NPIPB11: variants seen among roughly 807,000 people sequenced by gnomAD.
NPIPB11 encodes the protein nuclear pore complex-interacting protein family member B11.
A neutral mutation model predicts 32.8 loss-of-function variants in NPIPB11; 17 were observed. The observed-to-expected ratio is 0.52, with a 90% confidence interval of 0.35 to 0.78. The LOEUF (loss-of-function observed/expected upper bound fraction) is 0.78. NPIPB11 is among the 30% of genes least tolerant of loss of function. The pLI, the probability that NPIPB11 is intolerant of heterozygous loss-of-function variation, is 0.01. For missense variants in NPIPB11, 537 were observed against 1,000.4 expected, an observed-to-expected ratio of 0.54 and a Z score of 6.25; for synonymous variants, 209 against 398.4, an observed-to-expected ratio of 0.52 and a Z score of 5.66.
At chr16:29,402,750 G>T (rs1964027144) in intron 2 of NPIPB11, among the ~76,000 whole-genome samples, 1 of 146,264 alleles carries the variant, frequency 6.8e-6, no homozygotes, top group Non-Finnish European at 1.5e-5. Context: ...GTGTGTGTGT[G>T]TGTGTGTGTG....
intron 2 of NPIPB11, among the ~76,000 whole-genome samples, chr16:29,396,202 G>C (rs1185738095): frequency 1.3e-5 from 2 of 151,408 alleles, no homozygotes; most frequent in Non-Finnish European, 3.0e-5. Flanking sequence ...TTTCTTTCAA[G>C]ATGGTGAATT....
intron 3 of NPIPB11, 126 bp downstream of exon 3, chr16:29,393,822 T>C: frequency 8.1e-7 from 1 of 1,234,988 alleles, no homozygotes; most frequent in East Asian, 2.6e-5. Context: ...TGCTAATAAA[T>C]CATTTCCCTG....
At chr16:29,405,782 G>T (rs1314980654), upstream of NPIPB11, among the ~76,000 whole-genome samples, 5 of 152,076 alleles carry the variant, frequency 3.3e-5, no homozygotes, top group Admixed American at 2.6e-4. Context: ...TATAATACTG[G>T]CTTTCTGGTG....
At chr16:29,402,484 T>C (rs78793776) in intron 2 of NPIPB11, among the ~76,000 whole-genome samples, 43,075 of 82,684 alleles carry the variant, frequency 0.52, 10,723 homozygotes, top group Middle Eastern at 0.61. Context: ...GTGGGCAGAT[T>C]ACGAGGTCAG....
chr16:29,399,854 G>A (rs1325687338), intron 2 of NPIPB11, among the ~76,000 whole-genome samples: 12 of 152,030 alleles, frequency 7.9e-5, no homozygotes, highest in Admixed American at 1.3e-4. Flanking sequence ...TGAGGCAGGC[G>A]CATCACGAGG....
exon 5 of NPIPB11, chr16:29,389,974 T>C (rs1247988814): frequency 1.3e-6 from 2 of 1,584,500 alleles, no homozygotes; most frequent in African/African-American, 2.7e-5. Context: ...TCCATTGATT[T>C]TGTCATGACG....
At chr16:29,398,868 T>A (rs1350036058) in intron 2 of NPIPB11, among the ~76,000 whole-genome samples, 3 of 152,072 alleles carry the variant, frequency 2.0e-5, no homozygotes, top group South Asian at 2.1e-4. Context: ...CACCTAGACA[T>A]TTTAACATCC....
At chr16:29,391,259 C>G (rs1253910934) in intron 3 of NPIPB11, among the ~76,000 whole-genome samples, 2 of 124,930 alleles carry the variant, frequency 1.6e-5, no homozygotes, top group Non-Finnish European at 3.4e-5. Flanking sequence ...GAGTGAGACT[C>G]CGTCTCAAAA....
chr16:29,400,980 G>T (rs1963975965), intron 2 of NPIPB11, among the ~76,000 whole-genome samples: 1 of 152,068 alleles, frequency 6.6e-6, no homozygotes, highest in Admixed American at 6.6e-5. Context: ...CGCACCTGGG[G>T]CCTCATGGAG....
exon 8 of NPIPB11, chr16:29,383,073 A>G (rs778119311): frequency 6.2e-7 from 1 of 1,604,996 alleles, no homozygotes; most frequent in South Asian, 1.1e-5. Flanking sequence ...TCTTGATATT[A>G]TCATCTGCTG....
At chr16:29,403,875 G>C in intron 1 of NPIPB11, 35 bp from the exon 2 acceptor site, 1 of 1,533,896 alleles carries the variant, frequency 6.5e-7, no homozygotes, top group South Asian at 1.2e-5. Context: ...TGTTGAATGA[G>C]TGGAAAAACA....
exon 3 of NPIPB11, chr16:29,394,051 T>C (rs761437194): frequency 6.3e-7 from 1 of 1,599,276 alleles, no homozygotes; most frequent in Non-Finnish European, 8.5e-7. Context: ...CCCACGATGA[T>C]GATGGTCAGC....
At chr16:29,401,797 G>T (rs565449519) in intron 2 of NPIPB11, among the ~76,000 whole-genome samples, 373 of 152,170 alleles carry the variant, frequency 2.5e-3, no homozygotes, top group African/African-American at 8.7e-3. Context: ...CCATATGGAG[G>T]CTGCTCCTTT....
At chr16:29,393,957 A>G (rs755505121) in exon 3 of NPIPB11, 12 of 1,598,236 alleles carry the variant, frequency 7.5e-6, no homozygotes, top group South Asian at 1.1e-5. Context: ...CCCAAAGGTA[A>G]ACTATCCAGA....
At chr16:29,402,228 T>C (rs1964008394) in intron 2 of NPIPB11, among the ~76,000 whole-genome samples, 1 of 123,100 alleles carries the variant, frequency 8.1e-6, no homozygotes. Context: ...TACTCAATGT[T>C]AGCCATGTAG....
At chr16:29,404,736 G>A (rs1480585713), upstream of NPIPB11, among the ~76,000 whole-genome samples, 5 of 150,664 alleles carry the variant, frequency 3.3e-5, no homozygotes, top group Non-Finnish European at 5.9e-5. Flanking sequence ...CACAGATGGG[G>A]TTCAGGCTGC....
At chr16:29,402,784 A>G (rs1321033440) in intron 2 of NPIPB11, among the ~76,000 whole-genome samples, 1 of 147,792 alleles carries the variant, frequency 6.8e-6, no homozygotes, top group Non-Finnish European at 1.5e-5. Flanking sequence ...ATAAATCTCA[A>G]AAATAAAAGA....
rs575184705 is a variant in NPIPB11, at chr16:29,382,242, A to G, written c.2690T>C (p.Leu897Pro). The G allele has an allele frequency of 3.8e-6, 6 of 1,593,426 alleles. No individual in the cohort carries two copies. The East Asian group carries it at 1.4e-4, about 36-fold the overall frequency. ...GAGCTGACGTTTGGAAGGTGTCTTG[A>G]GATTATCATCCGCTGAGGGTGGAAG... is the stretch of plus-strand genomic sequence containing the variant. The change falls in exon 8 of 8, where the codon CTC becomes CCC. Residue 897 changes from leucine (L) to proline (P), a missense_variant. Coordinates refer to ENST00000524087, the Ensembl canonical transcript of NPIPB11.
chr16:29,394,533 C>T (rs1198346680), intron 2 of NPIPB11, among the ~76,000 whole-genome samples: 4 of 150,826 alleles, frequency 2.7e-5, no homozygotes, highest in Admixed American at 2.6e-4. Flanking sequence ...CTCCTGGGCT[C>T]AAGCCATTCT....
Sources: gnomAD v4.1 joint callset for allele counts (sites outside exome capture counted in the v4.1 genomes callset) on GRCh38, gnomAD v4.1.1 for gene constraint, MANE v1.5 for transcripts, NCBI Gene and HGNC (gene_info 2026-07-23, HGNC 2026-07-21) for gene names.